Variants in SEMA4D observed in about 807,000 individuals in gnomAD.
The protein encoded by SEMA4D is semaphorin-4D.
In SEMA4D, 22 loss-of-function variants were observed where a neutral mutation model predicts 74.8. That is an observed-to-expected ratio of 0.29 (90% CI 0.21 to 0.42). SEMA4D has a LOEUF of 0.42. SEMA4D is among the 10% of genes least tolerant of loss of function. SEMA4D has a pLI of 1.00. For missense variants in SEMA4D, 937 were observed against 1,118.4 expected, an observed-to-expected ratio of 0.84 and a Z score of 2.31; for synonymous variants, 445 against 463.7, an observed-to-expected ratio of 0.96 and a Z score of 0.52.
intron 2 of SEMA4D, among the ~76,000 whole-genome samples, chr9:89,445,486 G>A (rs1300759008): frequency 6.6e-6 from 1 of 152,224 alleles, no homozygotes; most frequent in African/African-American, 2.4e-5. Context: ...GCTCGCTCTG[G>A]AGGCCCCAGG....
chr9:89,485,816 A>C (rs35618469), intron 1 of SEMA4D, among the ~76,000 whole-genome samples: 1 of 79,162 alleles, frequency 1.3e-5, no homozygotes, highest in Non-Finnish European at 3.6e-5. Flanking sequence ...AAAAAAAAAG[A>C]AAAAAAAAAA....
Position 89,482,453 on chromosome 9 carries a change from A to G in SEMA4D, c.-310+15466T>C, listed in dbSNP as rs571756844. ...TCAGGGAAGCCTCCCAGCCATTCTCAGCCCCAGCAGCAGAAGGCCCCGCAA... is the reference window on the plus strand; with the variant it reads ...TCAGGGAAGCCTCCCAGCCATTCTCGGCCCCAGCAGCAGAAGGCCCCGCAA... On this transcript the variant is annotated intron_variant, in intron 1 of 15. Transcript: ENST00000422704. Among the ~76,000 whole-genome samples, 4 of 152,302 alleles carry G rather than the reference A, an allele frequency of 2.6e-5. No individual in the cohort carries two copies. In the South Asian group the frequency reaches 8.3e-4, roughly 32 times the overall value.
intron 16 of SEMA4D, among the ~76,000 whole-genome samples, chr9:89,371,060 ATGTCTGGGGTGTGGGGTGTGTGTTATGTC>A (rs1311837898): frequency 1.7e-5 from 1 of 58,360 alleles, no homozygotes; most frequent in African/African-American, 6.9e-5. Context: ...GGGTATGTGT[ATGTCTGGGGTGTGGGGTGTGTGTTATGTC>A]TGGGGTGTAT....
intron 2 of SEMA4D, among the ~76,000 whole-genome samples, chr9:89,448,330 G>C (rs1248740969): frequency 6.6e-6 from 1 of 152,160 alleles, no homozygotes; most frequent in East Asian, 1.9e-4. Flanking sequence ...CTGACCTATT[G>C]ATCTCCTTTG....
intron 2 of SEMA4D, among the ~76,000 whole-genome samples, chr9:89,415,109 T>C (rs62547240): frequency 0.23 from 34,310 of 152,224 alleles, 4,319 homozygotes; most frequent in Non-Finnish European, 0.28. Context: ...ATGGTAGAGA[T>C]GCAGACTGTC....
intron 2 of SEMA4D, among the ~76,000 whole-genome samples, chr9:89,442,781 C>T (rs1851950486): frequency 6.6e-6 from 1 of 152,134 alleles, no homozygotes; most frequent in Non-Finnish European, 1.5e-5. Context: ...TCTGGCATGG[C>T]TGCAGCCCTC....
intron 2 of SEMA4D, among the ~76,000 whole-genome samples, chr9:89,406,107 C>T (rs1216633382): frequency 3.3e-5 from 5 of 152,190 alleles, no homozygotes; most frequent in East Asian, 3.9e-4. Context: ...GCCTTTGTAA[C>T]GCTCAGCGAG....
intron 2 of SEMA4D, among the ~76,000 whole-genome samples, chr9:89,425,946 C>T (rs1847997228): frequency 6.6e-6 from 1 of 152,232 alleles, no homozygotes; most frequent in Non-Finnish European, 1.5e-5. Context: ...AACAATGGCT[C>T]CTTCTCTTTG....
intron 3 of SEMA4D, 34 bp from the exon 4 acceptor site, chr9:89,403,050 G>A (rs748764258): frequency 1.9e-6 from 3 of 1,590,584 alleles, no homozygotes; most frequent in South Asian, 1.1e-5. Flanking sequence ...AGAGTGGGAG[G>A]AAGAAAAGAG....
chr9:89,480,619 C>T (rs1422204278), intron 1 of SEMA4D, among the ~76,000 whole-genome samples: 2 of 152,242 alleles, frequency 1.3e-5, no homozygotes, highest in East Asian at 1.9e-4. Flanking sequence ...TGGGCCAGCA[C>T]TGCTGGGGGA....
chr9:89,450,793 T>TC, intron 2 of SEMA4D: 1 of 822,296 alleles, frequency 1.2e-6, no homozygotes, highest in Non-Finnish European at 1.9e-6. Flanking sequence ...TCCTGCCTCA[T>TC]CCCCTTCCCA....
intron 1 of SEMA4D, among the ~76,000 whole-genome samples, chr9:89,490,454 G>GA (rs1825539897): frequency 6.6e-6 from 1 of 152,140 alleles, no homozygotes; most frequent in African/African-American, 2.4e-5. Flanking sequence ...GAATCCAGTA[G>GA]AAACGGTACT....
At chr9:89,431,428 G>C (rs561693158) in intron 2 of SEMA4D, among the ~76,000 whole-genome samples, 16 of 152,324 alleles carry the variant, frequency 1.1e-4, no homozygotes, top group Middle Eastern at 3.4e-3. Flanking sequence ...GAATTTTCCT[G>C]TATCTTCCAA....
intron 2 of SEMA4D, among the ~76,000 whole-genome samples, chr9:89,409,562 G>A (rs1424620294): frequency 6.6e-6 from 1 of 152,110 alleles, no homozygotes; most frequent in African/African-American, 2.4e-5. Flanking sequence ...ACCTAAAGTT[G>A]ATCTAAAAAA....
intron 1 of SEMA4D, among the ~76,000 whole-genome samples, chr9:89,467,251 C>T (rs1375805139): frequency 6.6e-6 from 1 of 152,168 alleles, no homozygotes; most frequent in Admixed American, 6.5e-5. Flanking sequence ...CCCAGCTTCC[C>T]GGCTCCTTAC....
chr9:89,457,765 G>A (rs1291002158), intron 1 of SEMA4D, among the ~76,000 whole-genome samples: 1 of 151,840 alleles, frequency 6.6e-6, no homozygotes, highest in Non-Finnish European at 1.5e-5. Flanking sequence ...CAGGCACGGT[G>A]GCTCATGCCT....
intron 2 of SEMA4D, chr9:89,450,687 A>AAAAAAAAAAAAAAAAAAT: frequency 1.0e-6 from 1 of 982,322 alleles, no homozygotes; most frequent in Non-Finnish European, 1.5e-6. Flanking sequence ...AAAAAAAAAA[A>AAAAAAAAAAAAAAAAAAT]GGCCTCCAAG....
chr9:89,475,569 A>T (rs765948647), intron 1 of SEMA4D, among the ~76,000 whole-genome samples: 2 of 152,214 alleles, frequency 1.3e-5, no homozygotes, highest in Non-Finnish European at 2.9e-5. Flanking sequence ...AAAGAAAGAG[A>T]AGAGCCACCT....
intron 1 of SEMA4D, among the ~76,000 whole-genome samples, chr9:89,464,604 G>A (rs1031364550): frequency 6.6e-6 from 1 of 152,218 alleles, no homozygotes; most frequent in African/African-American, 2.4e-5. Flanking sequence ...GAAGAGGACA[G>A]GGACACTGAG....
Sources: gnomAD v4.1 joint callset for allele counts (sites outside exome capture counted in the v4.1 genomes callset) on GRCh38, gnomAD v4.1.1 for gene constraint, MANE v1.5 for transcripts, NCBI Gene and HGNC (gene_info 2026-07-23, HGNC 2026-07-21) for gene names.